ABI3BP: variants seen among roughly 807,000 people sequenced by gnomAD.
ABI3BP encodes target of Nesh-SH3.
A neutral mutation model predicts 268.6 loss-of-function variants in ABI3BP; 216 were observed. The observed-to-expected ratio is 0.80, with a 90% confidence interval of 0.72 to 0.90. The LOEUF is 0.90. ABI3BP is among the 40% of genes least tolerant of loss of function. The pLI, the probability that ABI3BP is intolerant of heterozygous loss-of-function variation, is 0.00. For missense variants in ABI3BP, 2,090 were observed against 2,182.4 expected (o/e 0.96, Z 0.84); for synonymous variants, 730 against 730.0 (o/e 1.00, Z 0.00).
chr3:100,927,748 C>G (rs2062270510), intron 1 of ABI3BP, among the ~76,000 whole-genome samples: 1 of 152,090 alleles, frequency 6.6e-6, no homozygotes. Flanking sequence ...CCCACCAGGC[C>G]TTACCTCTAA....
intron 1 of ABI3BP, among the ~76,000 whole-genome samples, chr3:100,955,806 A>T (rs2076607761): frequency 6.6e-6 from 1 of 152,194 alleles, no homozygotes; most frequent in Admixed American, 6.5e-5. Context: ...AACAAAACAA[A>T]CAGTGAATAA....
chr3:100,880,841 G>A (rs897450455), intron 6 of ABI3BP, among the ~76,000 whole-genome samples: 2 of 151,972 alleles, frequency 1.3e-5, no homozygotes, highest in South Asian at 4.2e-4. Context: ...ATTTTTTGTA[G>A]GTTTGTCCAT....
chr3:100,894,952 A>AAAAAAAAAAAAAAAAAAACAAAAAC (rs1561384128), intron 4 of ABI3BP, among the ~76,000 whole-genome samples: 1 of 111,624 alleles, frequency 9.0e-6, no homozygotes. Flanking sequence ...AAAAAAAAAA[A>AAAAAAAAAAAAAAAAAAACAAAAAC]AAAAAAAAAA....
chr3:100,993,381 G>C lies in ABI3BP; in HGVS notation c.4C>G (p.Leu2Val), dbSNP rs372478194. Reference sequence around the variant, plus strand: ...AGAAGTAGACACCCCAAACTGGAGAGCATGTTGCATTTGCCACCTCGCATG... The same window carrying C: ...AGAAGTAGACACCCCAAACTGGAGACCATGTTGCATTTGCCACCTCGCATG... The part of the protein sequence containing the change: M[L>V]SSLGCLLLCG... Residue 2 changes from leucine (L) to valine (V), a missense_variant, in exon 1 of 68, where the codon CTC becomes GTC. Transcript: ENST00000471714. 31 of 1,552,700 alleles carry C rather than the reference G, an allele frequency of 2.0e-5. No individual in the cohort carries two copies. The highest frequency in any genetic ancestry group is 2.7e-5 in the Non-Finnish European group (31 of 1,147,416).
At chr3:100,808,027 T>A in intron 50 of ABI3BP, 134 bp downstream of exon 50, 1 of 745,920 alleles carries the variant, frequency 1.3e-6, no homozygotes, top group Non-Finnish European at 2.2e-6. Flanking sequence ...TAAATATTTA[T>A]TAGGTTACAG....
intron 54 of ABI3BP, among the ~76,000 whole-genome samples, chr3:100,794,413 T>C (rs1464112569): frequency 3.3e-5 from 5 of 151,970 alleles, no homozygotes; most frequent in African/African-American, 1.2e-4. Flanking sequence ...ATGTAGTGTA[T>C]TGGGTGGCAC....
chr3:100,901,627 C>A (rs2576395), intron 3 of ABI3BP, among the ~76,000 whole-genome samples: 1 of 152,070 alleles, frequency 6.6e-6, no homozygotes, highest in Non-Finnish European at 1.5e-5. Flanking sequence ...TTAGCCGGGC[C>A]TGGTGGTGGG....
chr3:100,862,774 G>T, intron 13 of ABI3BP, 64 bp downstream of exon 13: 1 of 1,126,776 alleles, frequency 8.9e-7, no homozygotes, highest in Non-Finnish European at 1.3e-6. Context: ...CAGTAAATGT[G>T]TCCTGCAGAA....
chr3:100,940,786 C>CTATATA (rs1167503911), intron 1 of ABI3BP, among the ~76,000 whole-genome samples: 12 of 10,144 alleles, frequency 1.2e-3, no homozygotes, highest in African/African-American at 1.5e-3. Context: ...AATTACTTCA[C>CTATATA]TATATATATA....
chr3:100,844,442 T>G (rs1433118144), intron 20 of ABI3BP: 1 of 985,260 alleles, frequency 1.0e-6, no homozygotes, highest in African/African-American at 1.7e-5. Flanking sequence ...TTTTACTCGT[T>G]GACTTAACCA....
At chr3:100,926,199 G>T in intron 2 of ABI3BP, 103 bp downstream of exon 2, 1 of 1,195,604 alleles carries the variant, frequency 8.4e-7, no homozygotes, top group South Asian at 1.5e-5. Flanking sequence ...ATTAAGCTAA[G>T]GATGTAGAAA....
chr3:100,777,501 T>C (rs1181059748), intron 59 of ABI3BP, among the ~76,000 whole-genome samples: 1 of 152,230 alleles, frequency 6.6e-6, no homozygotes, highest in Non-Finnish European at 1.5e-5. Context: ...CCAAGGACTT[T>C]GTCATCACAG....
Position 100,749,418 on chromosome 3 carries a change from G to A in ABI3BP, c.*1077C>T, listed in dbSNP as rs1317457668. 2.6e-6 allele frequency: 1 copy of A among 383,814 alleles called. No individual in the cohort carries two copies. 23.8% of individuals were successfully genotyped at this position (383,814 alleles called of 1,614,324 possible). ...TGTAGCGTTGATAAGATTGAAGCATGTTGAAAGGTAAGTACAGGGAAAGGT... is the reference window on the plus strand; with the variant it reads ...TGTAGCGTTGATAAGATTGAAGCATATTGAAAGGTAAGTACAGGGAAAGGT... On this transcript the variant is annotated 3_prime_UTR_variant, in exon 68 of 68. Transcript: ENST00000471714.
At chr3:100,794,795 T>C in intron 54 of ABI3BP, 128 bp downstream of exon 54, 1 of 666,986 alleles carries the variant, frequency 1.5e-6, no homozygotes, top group Non-Finnish European at 2.6e-6. Flanking sequence ...GTAAAAGTAT[T>C]GAGTGAAATG....
At chr3:100,859,489 T>C (rs1053963343) in intron 14 of ABI3BP, among the ~76,000 whole-genome samples, 6 of 152,176 alleles carry the variant, frequency 3.9e-5, no homozygotes, top group Non-Finnish European at 7.4e-5. Context: ...GTTCTCAAAA[T>C]AGTTGCTTTA....
At chr3:100,989,568 C>T (rs992137593) in intron 1 of ABI3BP, among the ~76,000 whole-genome samples, 1 of 152,190 alleles carries the variant, frequency 6.6e-6, no homozygotes, top group Non-Finnish European at 1.5e-5. Context: ...AGAGTCACAC[C>T]CAAGATCCTC....
chr3:100,926,151 A>C (rs1053527980), intron 2 of ABI3BP, 151 bp downstream of exon 2: 2 of 780,400 alleles, frequency 2.6e-6, no homozygotes, highest in African/African-American at 3.5e-5. Context: ...GCTATGAGTT[A>C]CAACAATTAT....
rs372008673 is a variant in ABI3BP at position 100,894,639 on chromosome 3, G to A, written c.461+4123C>T. Among the ~76,000 whole-genome samples the A allele has an allele frequency of 2.0e-5, 3 of 151,990 alleles. No individual in the cohort carries two copies. The East Asian group carries it at 5.8e-4, about 29-fold the overall frequency. ...CCAAAAAGGAGAGCCCTCATTCTAC[G>A]TTAAGAGTAAGTAAACACGGCCGGG... On this transcript the variant is annotated intron_variant, in intron 4 of 67. Transcript: ENST00000471714.
At chr3:100,802,951 G>C (rs932839844) in intron 51 of ABI3BP, among the ~76,000 whole-genome samples, 3 of 146,320 alleles carry the variant, frequency 2.1e-5, no homozygotes, top group African/African-American at 7.3e-5. Context: ...ATCTAGAACT[G>C]TTTGAACACA....
Sources: allele counts gnomAD v4.1 joint callset (sites outside exome capture counted in the v4.1 genomes callset), GRCh38; gene constraint gnomAD v4.1.1; transcripts MANE v1.5; gene names NCBI Gene and HGNC (gene_info 2026-07-23, HGNC 2026-07-21).